ARRB2: variants seen among roughly 807,000 people sequenced by gnomAD.
The protein encoded by ARRB2 is beta-arrestin-2.
In ARRB2, 21 loss-of-function variants were observed where a neutral mutation model predicts 53.4. The ratio of observed to expected loss-of-function variants is 0.39; its 90% CI spans 0.28 to 0.57. The LOEUF (loss-of-function observed/expected upper bound fraction) is 0.57, where lower values mean the gene tolerates loss of function less well. Ranked by LOEUF, ARRB2 falls within the 20% of genes least tolerant of loss-of-function variation. ARRB2 has a pLI of 0.55. For missense variants in ARRB2, 369 were observed against 527.5 expected, an observed-to-expected ratio of 0.70 and a Z score of 2.94; for synonymous variants, 180 against 212.9, an observed-to-expected ratio of 0.85 and a Z score of 1.34.
rs757834600 is a variant in ARRB2 at position 4,720,578 on chromosome 17, C to G, written c.1082-8C>G. 7 of 1,567,584 alleles carry G rather than the reference C, an allele frequency of 4.5e-6. No homozygotes were observed. The highest frequency in any genetic ancestry group is 3.8e-5 in the Admixed American group (2 of 52,702). ...CCACCCCCACACCCCCTCTTCCCGT[C>G]CCCCCAGCCGCTCCGGAGACAGATG... On this transcript the variant is annotated splice_region_variant and splice_polypyrimidine_tract_variant and intron_variant, in intron 13 of 14. Transcript: ENST00000269260.
chr17:4,718,366 G>A, intron 9 of ARRB2, 21 bp downstream of exon 9: 3 of 1,595,800 alleles, frequency 1.9e-6, no homozygotes, highest in Non-Finnish European at 2.6e-6. Flanking sequence ...GGGTTTGGAA[G>A]GGGGTCTTCG....
In ARRB2 at chr17:4,717,883, C is replaced by T. The variant is rs761002315; in HGVS notation, c.486-5C>T. The T allele has an allele frequency of 3.1e-6, 5 of 1,614,058 alleles. No homozygotes were observed. Among genetic ancestry groups the T allele is most frequent in the East Asian group, 2.2e-5 (1 of 44,862 alleles). On this transcript the variant is annotated splice_polypyrimidine_tract_variant and splice_region_variant and intron_variant, in intron 7 of 14. Transcript: ENST00000269260. The surrounding 1 kb of genome is among the most constrained non-coding windows in gnomAD (Gnocchi z 6.0). ...TGACCCCTCCTGCCCCTACTCTGAT[C>T]CCAGGAACTCTGTGCGGCTGGTGAT...
rs1914990921 is a variant in ARRB2, at chr17:4,716,043, CCCAGA to C, written c.115+11_115+15del. The C allele has an allele frequency of 1.2e-6, 2 of 1,614,184 alleles. No homozygotes were observed. The highest frequency in any genetic ancestry group is 8.5e-7 in the Non-Finnish European group (1 of 1,180,030). ...AAAGTGGACCCTGTAGGTAAGTTTT[CCCAGA>C]AAGGGACAGCTCGTTCCCCAAGAGG... On this transcript the variant is annotated intron_variant, in intron 3 of 14. Coordinates refer to ENST00000269260, the MANE Select transcript of ARRB2 (RefSeq NM_004313.4).
intron 1 of ARRB2, among the ~76,000 whole-genome samples, chr17:4,712,137 C>A (rs1351400388): frequency 6.6e-6 from 1 of 152,200 alleles, no homozygotes; most frequent in Non-Finnish European, 1.5e-5. Flanking sequence ...TGGGAGGACA[C>A]CCTGGGACAA....
intron 5 of ARRB2, 62 bp downstream of exon 5, chr17:4,716,670 G>A (rs1395167269): frequency 1.3e-6 from 2 of 1,532,034 alleles, no homozygotes; most frequent in Non-Finnish European, 1.8e-6. Context: ...TCTGGGGTGG[G>A]GGTAAGGCAC....
At chr17:4,720,883 G>A (rs1197357586) in intron 14 of ARRB2, 63 bp from the exon 15 acceptor site, 4 of 1,529,296 alleles carry the variant, frequency 2.6e-6, no homozygotes, top group Non-Finnish European at 3.6e-6. Flanking sequence ...GGAGGGCAGG[G>A]AGTGGGAGGC....
Position 4,717,313 on chromosome 17 carries a change from G to T in ARRB2, c.417+37G>T. On this transcript the variant is annotated intron_variant, in intron 6 of 14. Transcript: ENST00000269260. This position sits in a 1 kb window ranked among gnomAD's most constrained non-coding sequence, Gnocchi z 6.0. ...ACAGCTCTGAGGGCTCCTAGGGCAG[G>T]ACATGGGCCAGCAGGAGCCTGGAGG... 1 of 1,609,218 alleles carries T rather than the reference G, an allele frequency of 6.2e-7. No homozygotes were observed. The highest frequency in any genetic ancestry group is 1.3e-5 in the African/African-American group (1 of 74,974).
intron 8 of ARRB2, 77 bp from the exon 9 acceptor site, chr17:4,718,184 G>A: frequency 6.5e-7 from 1 of 1,547,898 alleles, no homozygotes; most frequent in Non-Finnish European, 8.8e-7. Flanking sequence ...AGAACAATGT[G>A]TCTGTGTTTG....
chr17:4,719,659 A>T (rs1334776942), intron 11 of ARRB2, among the ~76,000 whole-genome samples: 1 of 152,156 alleles, frequency 6.6e-6, no homozygotes, highest in Non-Finnish European at 1.5e-5. Flanking sequence ...TGAGGTGCGA[A>T]GGTGAATTCG....
At chr17:4,713,699 A>G (rs1914662751) in intron 1 of ARRB2, among the ~76,000 whole-genome samples, 1 of 151,350 alleles carries the variant, frequency 6.6e-6, no homozygotes, top group Non-Finnish European at 1.5e-5. Flanking sequence ...CTGAGGCATG[A>G]GAATCGCTTG....
chr17:4,715,518 C>CACACACCTGG (rs1914888482), intron 2 of ARRB2: 1 of 252,874 alleles, frequency 4.0e-6, no homozygotes, highest in Non-Finnish European at 7.8e-6. Context: ...TACACACACA[C>CACACACCTGG]CTGGCTGGTT....
chr17:4,718,574 C>T (rs751444059), intron 9 of ARRB2, 38 bp from the exon 10 acceptor site: 1 of 1,601,056 alleles, frequency 6.2e-7, no homozygotes, highest in South Asian at 1.1e-5. Context: ...GTGGCTTGTG[C>T]TCCATCCAGA....
chr17:4,717,873 CT>C lies in ARRB2; in HGVS notation c.486-14del, dbSNP rs1567684204. Reference sequence around the variant, plus strand: ...GTGTGAGGAATGACCCCTCCTGCCCCTACTCTGATCCCAGGAACTCTGTGCG... The same window carrying C: ...GTGTGAGGAATGACCCCTCCTGCCCCACTCTGATCCCAGGAACTCTGTGCG... On this transcript the variant is annotated splice_polypyrimidine_tract_variant and intron_variant, in intron 7 of 14. Coordinates refer to ENST00000269260, the MANE Select transcript of ARRB2 (RefSeq NM_004313.4). This position sits in a 1 kb window ranked among gnomAD's most constrained non-coding sequence, Gnocchi z 6.0. The C allele has an allele frequency of 6.2e-7, 1 of 1,614,106 alleles. No homozygotes were observed. Among genetic ancestry groups the C allele is most frequent in the Admixed American group, 1.7e-5 (1 of 60,034 alleles).
chr17:4,719,133 T>G, intron 10 of ARRB2, 150 bp from the exon 11 acceptor site: 1 of 880,840 alleles, frequency 1.1e-6, no homozygotes, highest in Non-Finnish European at 1.7e-6. Flanking sequence ...TTAATTTTCT[T>G]GAGCACGTTG....
In ARRB2 at chr17:4,717,411, AG is replaced by A. The variant is rs995914983; in HGVS notation, c.417+136del. ...AGGGTAGGCCAGTGTCCCCCGTGGAAGTGGGGCGTATGTGGTGGTCATTGTG... is the reference window on the plus strand; with the variant it reads ...AGGGTAGGCCAGTGTCCCCCGTGGAATGGGGCGTATGTGGTGGTCATTGTG... On this transcript the variant is annotated intron_variant, in intron 6 of 14. Transcript: ENST00000269260. This position sits in a 1 kb window ranked among gnomAD's most constrained non-coding sequence, Gnocchi z 6.0. 5.2e-6 allele frequency: 6 copies of A among 1,142,996 alleles called. No homozygotes were observed. In the African/African-American group the frequency reaches 9.1e-5, roughly 17 times the overall value. The allele number at this position is 1,142,996 out of a possible 1,614,324, so 70.8% of individuals were successfully genotyped here.
Position 4,716,167 on chromosome 17 carries a change from C to T in ARRB2, c.136C>T (p.Pro46Ser). The T allele has an allele frequency of 1.9e-6, 3 of 1,614,120 alleles. No individual in the cohort carries two copies. The highest frequency in any genetic ancestry group is 1.3e-5 in the African/African-American group (1 of 75,026). Residue 46 changes from proline to serine, a missense_variant, in exon 4 of 15, where the codon CCT (proline) becomes TCT (serine). Transcript: ENST00000269260. ...DPVDGVVLVD[P>S]DYLKDRKVFV... ...CCTAGATGGCGTGGTGCTTGTGGAC[C>T]CTGACTACCTGAAGGACCGCAAAGG...
In ARRB2 at chr17:4,717,617, G is replaced by A; in HGVS notation, c.418-68G>A. The A allele has an allele frequency of 1.3e-6, 2 of 1,596,696 alleles. No homozygotes were observed. Among genetic ancestry groups the A allele is most frequent in the East Asian group, 2.2e-5 (1 of 44,758 alleles). The stretch of plus-strand genomic sequence containing the variant: ...TCCCTGCCCGAGAGGAGGGAAGGGG[G>A]AGGAAGAAAGGGCAGTGATGGTGGC... On this transcript the variant is annotated intron_variant, in intron 6 of 14. Coordinates refer to ENST00000269260, the MANE Select transcript of ARRB2 (RefSeq NM_004313.4). The surrounding 1 kb of genome is among the most constrained non-coding windows in gnomAD (Gnocchi z 6.0).
At position 4,717,891 on chromosome 17, in the gene ARRB2, C is replaced by T. The variant is rs1230813743; in HGVS notation, c.489C>T (p.Asn163=). 5.6e-6 allele frequency: 9 copies of T among 1,613,982 alleles called. No homozygotes were observed. Among genetic ancestry groups the T allele is most frequent in the South Asian group, 1.1e-5 (1 of 91,092 alleles). ...KSLEEKSHKR[N]SVRLVIRKVQ... Reference sequence around the variant, plus strand: ...CCTGCCCCTACTCTGATCCCAGGAACTCTGTGCGGCTGGTGATCCGAAAGG... The same window carrying T: ...CCTGCCCCTACTCTGATCCCAGGAATTCTGTGCGGCTGGTGATCCGAAAGG... Residue 163 remains asparagine, a synonymous_variant, in exon 8 of 15, where the codon AAC becomes AAT. Transcript: ENST00000269260. This position sits in a 1 kb window ranked among gnomAD's most constrained non-coding sequence, Gnocchi z 6.0.
intron 2 of ARRB2, 121 bp from the exon 3 acceptor site, chr17:4,715,852 G>A (rs1914972944): frequency 8.6e-7 from 1 of 1,164,844 alleles, no homozygotes; most frequent in Admixed American, 2.0e-5. Context: ...GAGGAAACCT[G>A]GAACAACTCC....
Sources: allele counts gnomAD v4.1 joint callset (sites outside exome capture counted in the v4.1 genomes callset), GRCh38; gene constraint gnomAD v4.1.1; non-coding constraint Gnocchi (gnomAD v3.1); transcripts MANE v1.5; gene names NCBI Gene and HGNC (gene_info 2026-07-23, HGNC 2026-07-21).